The following MICU2 variants were observed in gnomAD, a reference collection of about 807,000 sequenced individuals.
MICU2 encodes the protein calcium uptake protein 2, mitochondrial.
In MICU2, 64 loss-of-function variants were observed where a neutral mutation model predicts 60.4. The ratio of observed to expected loss-of-function variants is 1.06; its 90% CI spans 0.87 to 1.31. MICU2 has a LOEUF of 1.31. MICU2 is among the 50% of genes most tolerant of loss of function. The probability of loss-of-function intolerance (pLI) is 0.00; values close to 1 mark genes in which losing one functional copy is unlikely to be tolerated. For missense variants in MICU2, 569 were observed against 531.0 expected (o/e 1.07, Z -0.70); for synonymous variants, 201 against 175.0 (o/e 1.15, Z -1.17).
chr13:21,530,430 CT>C (rs1209600062), intron 4 of MICU2, among the ~76,000 whole-genome samples: 1 of 149,436 alleles, frequency 6.7e-6, no homozygotes, highest in Non-Finnish European at 1.5e-5. Flanking sequence ...TAAGGTCTTT[CT>C]CCCAATCATC....
chr13:21,531,514 C>A (rs181405913), intron 4 of MICU2, among the ~76,000 whole-genome samples: 16 of 152,284 alleles, frequency 1.1e-4, no homozygotes, highest in African/African-American at 3.6e-4. Flanking sequence ...TAATGGGATT[C>A]TTCTAAAGCA....
intron 2 of MICU2, among the ~76,000 whole-genome samples, chr13:21,559,429 G>GTATA (rs1887786120): frequency 6.6e-6 from 1 of 152,012 alleles, no homozygotes; most frequent in Non-Finnish European, 1.5e-5. Flanking sequence ...CATATAGAGT[G>GTATA]TATATATAGG....
intron 2 of MICU2, among the ~76,000 whole-genome samples, chr13:21,542,752 C>T (rs1252397251): frequency 6.6e-6 from 1 of 152,036 alleles, no homozygotes; most frequent in East Asian, 1.9e-4. Flanking sequence ...TTAGAGATTC[C>T]ACCATGTGGT....
At chr13:21,588,163 A>C (rs937137876) in intron 1 of MICU2, among the ~76,000 whole-genome samples, 5 of 152,224 alleles carry the variant, frequency 3.3e-5, no homozygotes, top group African/African-American at 1.2e-4. Flanking sequence ...TCCTAAAATC[A>C]TACATTCATT....
intron 2 of MICU2, among the ~76,000 whole-genome samples, chr13:21,553,040 T>C (rs1887613456): frequency 6.6e-6 from 1 of 152,226 alleles, no homozygotes; most frequent in Admixed American, 6.5e-5. Context: ...ATTTTCATGA[T>C]ATTGATTCTT....
chr13:21,512,131 T>A (rs1317949435), intron 7 of MICU2, among the ~76,000 whole-genome samples: 20 of 152,206 alleles, frequency 1.3e-4, no homozygotes, highest in Non-Finnish European at 2.9e-5. Flanking sequence ...ATCTGGTGTG[T>A]CAGTGGTTTG....
At chr13:21,546,037 A>C (rs990977337) in intron 2 of MICU2, among the ~76,000 whole-genome samples, 2 of 152,266 alleles carry the variant, frequency 1.3e-5, no homozygotes, top group Admixed American at 6.5e-5. Flanking sequence ...AGTTAAAAAA[A>C]ATCAATAAAT....
chr13:21,507,238 A>G (rs12865749), intron 8 of MICU2, among the ~76,000 whole-genome samples: 48,181 of 152,048 alleles, frequency 0.32, 8,977 homozygotes, highest in Non-Finnish European at 0.41. Flanking sequence ...AAAAATTTAA[A>G]GTAAGAATTC....
At chr13:21,547,604 G>C (rs184346992) in intron 2 of MICU2, among the ~76,000 whole-genome samples, 7 of 152,294 alleles carry the variant, frequency 4.6e-5, no homozygotes, top group Non-Finnish European at 1.0e-4. Context: ...GAAATGTATG[G>C]ATTATAACTC....
At chr13:21,599,817 A>G (rs776889157) in intron 1 of MICU2, among the ~76,000 whole-genome samples, 78 of 152,344 alleles carry the variant, frequency 5.1e-4, no homozygotes, top group Admixed American at 8.5e-4. Context: ...TATGCATTAA[A>G]TAGTATGATA....
intron 4 of MICU2, among the ~76,000 whole-genome samples, chr13:21,533,471 C>T (rs964425163): frequency 4.6e-5 from 7 of 151,834 alleles, no homozygotes; most frequent in South Asian, 4.2e-4. Flanking sequence ...ATACAGGTGC[C>T]GGCCACTGCG....
At chr13:21,508,913 C>T (rs1223799992) in intron 8 of MICU2, among the ~76,000 whole-genome samples, 2 of 152,174 alleles carry the variant, frequency 1.3e-5, no homozygotes, top group Non-Finnish European at 2.9e-5. Context: ...CCCTATTTAT[C>T]TAAGAAAGCA....
intron 9 of MICU2, among the ~76,000 whole-genome samples, chr13:21,497,609 C>T (rs970967336): frequency 9.2e-5 from 14 of 152,018 alleles, no homozygotes; most frequent in Non-Finnish European, 1.5e-5. Context: ...ACTGAGGAGG[C>T]TTAGGCAGAA....
At chr13:21,532,141 A>AGAAGAAACT in intron 4 of MICU2, among the ~76,000 whole-genome samples, 1 of 152,360 alleles carries the variant, frequency 6.6e-6, no homozygotes, top group South Asian at 2.1e-4. Flanking sequence ...CTCAATTTCA[A>AGAAGAAACT]GAAGAAACTA....
intron 4 of MICU2, among the ~76,000 whole-genome samples, chr13:21,529,566 G>C (rs1455868819): frequency 6.6e-6 from 1 of 152,214 alleles, no homozygotes; most frequent in Non-Finnish European, 1.5e-5. Flanking sequence ...ATAGGCAGGA[G>C]GTGGAAGAGG....
chr13:21,528,275 T>C (rs1282974350), intron 4 of MICU2, among the ~76,000 whole-genome samples: 1 of 152,210 alleles, frequency 6.6e-6, no homozygotes, highest in African/African-American at 2.4e-5. Context: ...GTCCCAAGTA[T>C]AACTAAGTTT....
chr13:21,577,972 C>T (rs1353700577), intron 1 of MICU2, among the ~76,000 whole-genome samples: 2 of 146,982 alleles, frequency 1.4e-5, no homozygotes, highest in African/African-American at 2.4e-5. Flanking sequence ...GATTTTGTCT[C>T]CAAAAAAAAT....
chr13:21,597,365 GT>G (rs1352096153), intron 1 of MICU2, among the ~76,000 whole-genome samples: 11 of 152,156 alleles, frequency 7.2e-5, no homozygotes, highest in Admixed American at 4.6e-4. Context: ...CTCTAAGTGT[GT>G]AATTTAATAT....
chr13:21,505,886 T>C (rs1034824251), intron 8 of MICU2, among the ~76,000 whole-genome samples: 15 of 152,190 alleles, frequency 9.9e-5, no homozygotes, highest in Non-Finnish European at 1.5e-5. Context: ...TACCTCACCT[T>C]GTAAGGATAG....
Sources: gnomAD v4.1 joint callset for allele counts (sites outside exome capture counted in the v4.1 genomes callset) on GRCh38, gnomAD v4.1.1 for gene constraint, MANE v1.5 for transcripts, NCBI Gene and HGNC (gene_info 2026-07-23, HGNC 2026-07-21) for gene names.